Variants in KHDRBS2 observed in about 807,000 individuals in gnomAD.
KHDRBS2 encodes the protein KH RNA binding domain containing, signal transduction associated 2.
In KHDRBS2, 26 loss-of-function variants were observed where a neutral mutation model predicts 44.3. That is an observed-to-expected ratio of 0.59 (90% CI 0.43 to 0.81). The LOEUF is 0.81. Among genes scored for constraint, KHDRBS2 ranks in the 40% least tolerant of loss-of-function variants. The pLI is 0.00. For missense variants in KHDRBS2, 476 were observed against 433.1 expected, an observed-to-expected ratio of 1.10 and a Z score of -0.88; for synonymous variants, 194 against 151.1, an observed-to-expected ratio of 1.28 and a Z score of -2.08.
chr6:61,948,339 T>C (rs1207242297), intron 4 of KHDRBS2, among the ~76,000 whole-genome samples: 3 of 152,132 alleles, frequency 2.0e-5, no homozygotes, highest in Middle Eastern at 3.2e-3. Flanking sequence ...TTTTAAGCTA[T>C]AATAATTGCA....
At chr6:61,901,022 C>A (rs1317499720) in intron 5 of KHDRBS2, among the ~76,000 whole-genome samples, 1 of 152,092 alleles carries the variant, frequency 6.6e-6, no homozygotes. Flanking sequence ...ACTTCAATTT[C>A]TCACCTGCAG....
chr6:62,148,811 A>C (rs12202047), intron 2 of KHDRBS2, among the ~76,000 whole-genome samples: 10,247 of 152,118 alleles, frequency 0.067, 496 homozygotes, highest in South Asian at 0.13. Flanking sequence ...ACCTGAGACA[A>C]ATATATCTGA....
chr6:61,567,142 A>G, the KHDRBS2 span, among the ~76,000 whole-genome samples: 1 of 152,232 alleles, frequency 6.6e-6, no homozygotes, highest in Non-Finnish European at 1.5e-5. Context: ...TATCTGTTTC[A>G]ATGATTACAT....
chr6:62,090,811 GT>G (rs1349640113), intron 2 of KHDRBS2, among the ~76,000 whole-genome samples: 1 of 152,002 alleles, frequency 6.6e-6, no homozygotes, highest in African/African-American at 2.4e-5. Flanking sequence ...TTTAAATTTT[GT>G]TTCAAAGTCT....
At chr6:62,135,239 A>T (rs1161954401) in intron 2 of KHDRBS2, among the ~76,000 whole-genome samples, 1 of 152,094 alleles carries the variant, frequency 6.6e-6, no homozygotes, top group Non-Finnish European at 1.5e-5. Context: ...GAGATCCAAT[A>T]GTTTTATAAG....
chr6:61,954,978 G>T (rs1244980835), intron 4 of KHDRBS2, among the ~76,000 whole-genome samples: 1 of 78,774 alleles, frequency 1.3e-5, no homozygotes, highest in African/African-American at 6.3e-5. Flanking sequence ...GCATACATAT[G>T]TATGTGTATA....
intron 4 of KHDRBS2, among the ~76,000 whole-genome samples, chr6:61,975,672 C>CAG (rs961852136): frequency 2.9e-5 from 4 of 137,520 alleles, no homozygotes; most frequent in Non-Finnish European, 6.4e-5. Context: ...CACACACACA[C>CAG]ACACACACAG....
intron 3 of KHDRBS2, among the ~76,000 whole-genome samples, chr6:62,035,718 T>G (rs1168059982): frequency 6.6e-6 from 1 of 152,000 alleles, no homozygotes; most frequent in Non-Finnish European, 1.5e-5. Context: ...GATGTGATTA[T>G]TACACATTGC....
chr6:61,948,360 T>C (rs1188881005), intron 4 of KHDRBS2, among the ~76,000 whole-genome samples: 15 of 152,136 alleles, frequency 9.9e-5, no homozygotes, highest in Non-Finnish European at 1.9e-4. Flanking sequence ...TTGAAAACGA[T>C]TTAAAATCCA....
intron 8 of KHDRBS2, among the ~76,000 whole-genome samples, chr6:61,692,661 T>C (rs948666471): frequency 3.3e-5 from 5 of 152,094 alleles, no homozygotes; most frequent in Non-Finnish European, 5.9e-5. Flanking sequence ...GAATGAAGTG[T>C]CCCACTGAAG....
intron 7 of KHDRBS2, among the ~76,000 whole-genome samples, chr6:61,715,983 A>AACT (rs1554169468): frequency 6.7e-6 from 1 of 149,578 alleles, no homozygotes. Context: ...AAATGGCTAC[A>AACT]TTTTTTTTTC....
At chr6:61,955,012 G>GCA (rs1258580217) in intron 4 of KHDRBS2, among the ~76,000 whole-genome samples, 5 of 135,834 alleles carry the variant, frequency 3.7e-5, no homozygotes, top group African/African-American at 1.1e-4. Flanking sequence ...ACATATGTAT[G>GCA]TATACACACA....
chr6:61,584,574 G>T, the KHDRBS2 span, among the ~76,000 whole-genome samples: 1 of 151,710 alleles, frequency 6.6e-6, no homozygotes, highest in Non-Finnish European at 1.5e-5. Context: ...TTTGTATATT[G>T]ATGAATTTAA....
intron 3 of KHDRBS2, among the ~76,000 whole-genome samples, chr6:62,002,447 C>A (rs935482307): frequency 3.3e-5 from 5 of 151,562 alleles, no homozygotes; most frequent in African/African-American, 1.2e-4. Flanking sequence ...AATGTCTTTT[C>A]TATCATTTTT....
chr6:62,230,304 TA>T (rs1832695654), intron 1 of KHDRBS2, among the ~76,000 whole-genome samples: 1 of 152,164 alleles, frequency 6.6e-6, no homozygotes. Context: ...CAGAAGTAGC[TA>T]AAAAATGAAA....
intron 2 of KHDRBS2, among the ~76,000 whole-genome samples, chr6:62,142,221 G>A (rs1466757368): frequency 2.0e-5 from 3 of 152,018 alleles, no homozygotes; most frequent in African/African-American, 7.2e-5. Context: ...CAAAGGCCCA[G>A]GTCTAGGTGA....
intron 4 of KHDRBS2, among the ~76,000 whole-genome samples, chr6:61,975,373 G>A (rs1411902039): frequency 6.6e-6 from 1 of 152,096 alleles, no homozygotes; most frequent in African/African-American, 2.4e-5. Flanking sequence ...GTTTGCAAAT[G>A]TTAATGTATA....
chr6:61,875,095 G>A (rs538196455), intron 6 of KHDRBS2, among the ~76,000 whole-genome samples: 1 of 152,092 alleles, frequency 6.6e-6, no homozygotes, highest in South Asian at 2.1e-4. Flanking sequence ...CTAAGGAATG[G>A]TAATGTGAAT....
At chr6:62,063,804 A>G (rs1354886363) in intron 2 of KHDRBS2, among the ~76,000 whole-genome samples, 3 of 131,318 alleles carry the variant, frequency 2.3e-5, no homozygotes, top group East Asian at 2.3e-4. Context: ...AGAAGGAAAT[A>G]AAGGGTATTC....
Sources: gnomAD v4.1 joint callset for allele counts (sites outside exome capture counted in the v4.1 genomes callset) on GRCh38, gnomAD v4.1.1 for gene constraint, MANE v1.5 for transcripts, NCBI Gene and HGNC (gene_info 2026-07-23, HGNC 2026-07-21) for gene names.